DIRAS3: variants seen among roughly 807,000 people sequenced by gnomAD.
DIRAS3 encodes GTP-binding protein Di-Ras3.
For missense variants in DIRAS3, 248 were observed against 300.6 expected (o/e 0.83, Z 1.29); for synonymous variants, 133 against 131.4 (o/e 1.01, Z -0.08).
chr1:68,048,865 G>A (rs188015850), intron 1 of DIRAS3, among the ~76,000 whole-genome samples: 322 of 150,842 alleles, frequency 2.1e-3, no homozygotes, highest in African/African-American at 7.5e-3. Context: ...TCAGCCTCCC[G>A]AGTAGCTGGG....
At position 68,047,132 on chromosome 1, in the gene DIRAS3, T is replaced by A; in HGVS notation, c.166A>T (p.Lys56Ter). 6.2e-7 allele frequency: 1 copy of A among 1,614,160 alleles called. No individual in the cohort carries two copies. Among genetic ancestry groups the A allele is most frequent in the Non-Finnish European group, 8.5e-7 (1 of 1,180,028 alleles). The stretch of plus-strand genomic sequence containing the variant: ...TGACGGAAGTTGCCGCTCGCCCACT[T>A]GTGCAGCAGCGTACTTTTCCCCACA... ...AGVGKSTLLH[K>*]WASGNFRHEY... The change falls in exon 2 of 2, where the codon AAG becomes TAG. Residue 56 changes from lysine (K) to a stop codon, truncating the protein, a stop_gained. Coordinates refer to ENST00000646789, the MANE Select transcript of DIRAS3 (RefSeq NM_004675.5). LOFTEE classifies it low-confidence loss of function (END_TRUNC).
In DIRAS3 at chr1:68,047,223, G is replaced by T. The variant is rs1557689122; in HGVS notation, c.75C>A (p.Ile25=). Residue 25 remains isoleucine (I), a synonymous_variant, in exon 2 of 2, where the codon ATC becomes ATA. Coordinates refer to ENST00000646789, the MANE Select transcript of DIRAS3 (RefSeq NM_004675.5). The part of the protein sequence containing the change: ...KRLRLLPALL[I]LRAFKPHRKI... Reference sequence around the variant, plus strand: ...TCCTGTGGGGCTTGAAGGCGCGGAGGATAAGCAGGGCGGGCAGAAGCCGCA... The same window carrying T: ...TCCTGTGGGGCTTGAAGGCGCGGAGTATAAGCAGGGCGGGCAGAAGCCGCA... 1.2e-6 allele frequency: 2 copies of T among 1,613,870 alleles called. No individual in the cohort carries two copies. Among genetic ancestry groups the T allele is most frequent in the South Asian group, 2.2e-5 (2 of 91,082 alleles).
At chr1:68,048,777 T>C (rs1645704957) in intron 1 of DIRAS3, among the ~76,000 whole-genome samples, 1 of 150,364 alleles carries the variant, frequency 6.7e-6, no homozygotes, top group Non-Finnish European at 1.5e-5. Flanking sequence ...TCTTGCTCTG[T>C]CCCTCAGGTT....
intron 1 of DIRAS3, among the ~76,000 whole-genome samples, chr1:68,048,733 T>A (rs1475595893): frequency 2.5e-5 from 3 of 122,216 alleles, no homozygotes; most frequent in Non-Finnish European, 4.8e-5. Flanking sequence ...TGGTGGTGGT[T>A]TTTTTTTTTT....
Position 68,047,058 on chromosome 1 carries a change from G to A in DIRAS3, c.240C>T (p.Cys80=), listed in dbSNP as rs768829006. ...TGTGCAGGGAAAGCACACCGTGGCT[G>A]CAGCCCAGCAACTGGCAGTAGGTAT... ...IENTYCQLLG[C]SHGVLSLHIT... Residue 80 remains cysteine, a synonymous_variant, in exon 2 of 2, where the codon TGC becomes TGT. Coordinates refer to ENST00000646789, the MANE Select transcript of DIRAS3 (RefSeq NM_004675.5). The A allele has an allele frequency of 9.3e-6, 15 of 1,614,066 alleles. No individual in the cohort carries two copies. Among genetic ancestry groups the A allele is most frequent in the Middle Eastern group, 3.3e-4 (2 of 6,084 alleles).
chr1:68,047,628 C>T (rs1294046039), intron 1 of DIRAS3, among the ~76,000 whole-genome samples: 1 of 151,928 alleles, frequency 6.6e-6, no homozygotes, highest in African/African-American at 2.4e-5. Context: ...GTTTTCTTTC[C>T]TTAAACTGTT....
intron 1 of DIRAS3, among the ~76,000 whole-genome samples, chr1:68,048,835 GATCA>G (rs1175862543): frequency 6.6e-6 from 1 of 151,396 alleles, no homozygotes; most frequent in Non-Finnish European, 1.5e-5. Context: ...AACCTCCTGG[GATCA>G]ATCAATCCTC....
rs1645680492 is a variant in DIRAS3, at chr1:68,047,055, G to C, written c.243C>G (p.Ser81Arg). The change falls in exon 2 of 2, where the codon AGC becomes AGG. Residue 81 changes from serine (S) to arginine (R), a missense_variant. Physicochemically the swap from Ser to Arg is moderately radical, Grantham distance 110 (BLOSUM62 -1). Transcript: ENST00000646789. ...TGATGTGCAGGGAAAGCACACCGTG[G>C]CTGCAGCCCAGCAACTGGCAGTAGG... Reference protein sequence around the residue: ...ENTYCQLLGCSHGVLSLHITD... With the variant: ...ENTYCQLLGCRHGVLSLHITD... 1 of 1,614,196 alleles carries C rather than the reference G, an allele frequency of 6.2e-7. No individual in the cohort carries two copies. Among genetic ancestry groups the C allele is most frequent in the Non-Finnish European group, 8.5e-7 (1 of 1,180,042 alleles).
Position 68,050,360 on chromosome 1 carries a change from G to A in DIRAS3, c.-66+188C>T, listed in dbSNP as rs1420669008. On this transcript the variant is annotated intron_variant, in intron 1 of 1. Coordinates refer to ENST00000646789, the MANE Select transcript of DIRAS3 (RefSeq NM_004675.5). This position sits in a 1 kb window ranked among gnomAD's most constrained non-coding sequence, Gnocchi z 4.5. ...TAGCTTCCCAACGGGACTATCCAAAGTGCAGTTGCAGGACCTGCCAGGAGC... is the reference window on the plus strand; with the variant it reads ...TAGCTTCCCAACGGGACTATCCAAAATGCAGTTGCAGGACCTGCCAGGAGC... Among the ~76,000 whole-genome samples, 1 of 152,164 alleles carries A rather than the reference G, an allele frequency of 6.6e-6. No homozygotes were observed. The highest frequency in any genetic ancestry group is 1.5e-5 in the Non-Finnish European group (1 of 68,024).
Position 68,050,393 on chromosome 1 carries a change from G to A in DIRAS3, c.-66+155C>T, listed in dbSNP as rs1645721925. Among the ~76,000 whole-genome samples, 1 of 152,194 alleles carries A rather than the reference G, an allele frequency of 6.6e-6. No homozygotes were observed. The highest frequency in any genetic ancestry group is 1.5e-5 in the Non-Finnish European group (1 of 68,036). On this transcript the variant is annotated intron_variant, in intron 1 of 1. Coordinates refer to ENST00000646789, the MANE Select transcript of DIRAS3 (RefSeq NM_004675.5). The surrounding 1 kb of genome is among the most constrained non-coding windows in gnomAD (Gnocchi z 4.5). ...GCAGGACCTGCCAGGAGCCCGCAGGGCTGCGGGTGGTTCTTGCGTAATCGC... is the reference window on the plus strand; with the variant it reads ...GCAGGACCTGCCAGGAGCCCGCAGGACTGCGGGTGGTTCTTGCGTAATCGC...
rs1388881431 is a variant in DIRAS3, at chr1:68,046,974, C to T, written c.324G>A (p.Arg108=). The T allele has an allele frequency of 1.2e-6, 2 of 1,614,162 alleles. No homozygotes were observed. Among genetic ancestry groups the T allele is most frequent in the Non-Finnish European group, 8.5e-7 (1 of 1,180,038 alleles). ...AGTAGACCAGGACGAAGGCGTGGCC[C>T]CGGGCTATAACGTGGCGCTGCAGAG... ...NRALQRHVIA[R]GHAFVLVYSV... is the part of the protein sequence containing the mutation. Residue 108 remains arginine, a synonymous_variant, in exon 2 of 2, where the codon CGG becomes CGA. Coordinates refer to ENST00000646789, the MANE Select transcript of DIRAS3 (RefSeq NM_004675.5).
rs1297000024 is a variant in DIRAS3 at position 68,047,121 on chromosome 1, G to C, written c.177C>G (p.Ser59Arg). 2 of 1,614,036 alleles carry C rather than the reference G, an allele frequency of 1.2e-6. No individual in the cohort carries two copies. Among genetic ancestry groups the C allele is most frequent in the Non-Finnish European group, 1.7e-6 (2 of 1,180,032 alleles). Residue 59 changes from serine (S) to arginine (R), a missense_variant, in exon 2 of 2, where the codon AGC (serine) becomes AGG (arginine). Coordinates refer to ENST00000646789, the MANE Select transcript of DIRAS3 (RefSeq NM_004675.5). ...GKSTLLHKWA[S>R]GNFRHEYLPT... is the part of the protein sequence containing the mutation. The stretch of plus-strand genomic sequence containing the variant: ...GCAGGTACTCATGACGGAAGTTGCC[G>C]CTCGCCCACTTGTGCAGCAGCGTAC...
rs966204270 is a variant in DIRAS3, at chr1:68,048,732, TTTTTTTTTTTTTG to T, written c.-65-1383_-65-1371del. Among the ~76,000 whole-genome samples the T allele has an allele frequency of 3.1e-3, 350 of 112,868 alleles. 1 individual carries two copies. The highest frequency in any genetic ancestry group is 0.019 in the African/African-American group (336 of 17,564). 74.0% of individuals were successfully genotyped at this position (112,868 alleles called of 152,430 possible). On this transcript the variant is annotated intron_variant, in intron 1 of 1. Transcript: ENST00000646789. The stretch of plus-strand genomic sequence containing the variant: ...GTCCATATTAGAGTTTTGGTGGTGG[TTTTTTTTTTTTTG>T]TTTTTTTTTTTTGAGTCAGGGTCTT...
At position 68,047,207 on chromosome 1, in the gene DIRAS3, G is replaced by A. The variant is rs772398257; in HGVS notation, c.91C>T (p.Pro31Ser). Reference sequence around the variant, plus strand: ...CGGTAATCTCTGATCTTCCTGTGGGGCTTGAAGGCGCGGAGGATAAGCAGG... The same window carrying A: ...CGGTAATCTCTGATCTTCCTGTGGGACTTGAAGGCGCGGAGGATAAGCAGG... Reference protein sequence around the residue: ...PALLILRAFKPHRKIRDYRVV... With the variant: ...PALLILRAFKSHRKIRDYRVV... The change falls in exon 2 of 2, where the codon CCC (proline) becomes TCC (serine). Residue 31 changes from proline to serine, a missense_variant. By Grantham distance (74) the Pro-to-Ser change is moderately conservative. Coordinates refer to ENST00000646789, the MANE Select transcript of DIRAS3 (RefSeq NM_004675.5). 1 of 1,614,126 alleles carries A rather than the reference G, an allele frequency of 6.2e-7. No individual in the cohort carries two copies. Among genetic ancestry groups the A allele is most frequent in the Admixed American group, 1.7e-5 (1 of 60,028 alleles).
chr1:68,047,484 G>A, intron 1 of DIRAS3, 122 bp from the exon 2 acceptor site: 2 of 607,362 alleles, frequency 3.3e-6, no homozygotes, highest in Non-Finnish European at 5.8e-6. Flanking sequence ...ACGTAAAGGG[G>A]TGCACACAGC....
intron 1 of DIRAS3, among the ~76,000 whole-genome samples, chr1:68,048,039 AAAAAAAAAAAATATATATATAT>A (rs1645692692): frequency 1.7e-5 from 1 of 59,432 alleles, no homozygotes; most frequent in Non-Finnish European, 3.1e-5. Flanking sequence ...AAAAAAAAAA[AAAAAAAAAAAATATATATATAT>A]ATATATATAT....
In DIRAS3 at chr1:68,046,564, T is replaced by G. The variant is rs745353221; in HGVS notation, c.*44A>C. The G allele has an allele frequency of 2.6e-6, 4 of 1,555,026 alleles. No individual in the cohort carries two copies. In the South Asian group the frequency reaches 4.8e-5, roughly 19 times the overall value. ...CATAGTGAAATGAGTCCACGTTTTC[T>G]ACACGCTACAGGATAGGAAGAGCTG... On this transcript the variant is annotated 3_prime_UTR_variant, in exon 2 of 2. Transcript: ENST00000646789.
chr1:68,047,993 A>G (rs1645689777), intron 1 of DIRAS3, among the ~76,000 whole-genome samples: 1 of 125,836 alleles, frequency 7.9e-6, no homozygotes, highest in South Asian at 3.2e-4. Context: ...TTAGTTCATG[A>G]ATCCTTAGTC....
chr1:68,046,656 C>G lies in DIRAS3; in HGVS notation c.642G>C (p.Gln214His), dbSNP rs1243211602. Residue 214 changes from glutamine to histidine, a missense_variant, in exon 2 of 2, where the codon CAG becomes CAC. Coordinates refer to ENST00000646789, the MANE Select transcript of DIRAS3 (RefSeq NM_004675.5). ...GCAGCTTCTCAGTGGTGTTGGGCAT[C>G]TGGGATTTCTTCTCGGGCTCCTGGA... Reference protein sequence around the residue: ...TGLQEPEKKSQMPNTTEKLLD... With the variant: ...TGLQEPEKKSHMPNTTEKLLD... 6.2e-7 allele frequency: 1 copy of G among 1,614,144 alleles called. No individual in the cohort carries two copies. The highest frequency in any genetic ancestry group is 8.5e-7 in the Non-Finnish European group (1 of 1,180,044).
Sources: gnomAD v4.1 joint callset for allele counts (sites outside exome capture counted in the v4.1 genomes callset) on GRCh38, gnomAD v4.1.1 for gene constraint, Gnocchi (gnomAD v3.1) non-coding constraint, MANE v1.5 for transcripts, NCBI Gene and HGNC (gene_info 2026-07-23, HGNC 2026-07-21) for gene names.